PPM1B: variants seen among roughly 807,000 people sequenced by gnomAD.
PPM1B encodes the protein protein phosphatase 1B.
Under a neutral mutation model 43.0 loss-of-function variants are expected in PPM1B, and 22 were observed. That is an observed-to-expected ratio of 0.51 (90% CI 0.37 to 0.73). The LOEUF (loss-of-function observed/expected upper bound fraction) is 0.73, where lower values mean the gene tolerates loss of function less well. PPM1B is among the 30% of genes least tolerant of loss of function. The pLI is 0.00. For synonymous variants in PPM1B, 217 were observed against 197.9 expected, an observed-to-expected ratio of 1.10 and a Z score of -0.81; for missense variants, 632 against 584.2, an observed-to-expected ratio of 1.08 and a Z score of -0.84.
intron 3 of PPM1B, among the ~76,000 whole-genome samples, chr2:44,209,792 A>G (rs1311395131): frequency 7.2e-5 from 11 of 152,110 alleles, no homozygotes; most frequent in Admixed American, 7.2e-4. Context: ...AAAAAAAAAA[A>G]AAATTCCATA....
chr2:44,237,302 G>T (rs1558437111), downstream of PPM1B, among the ~76,000 whole-genome samples: 1 of 152,182 alleles, frequency 6.6e-6, no homozygotes. Context: ...TTACATTATG[G>T]TCTAGAAGTA....
chr2:44,234,189 C>T, downstream of PPM1B: 1 of 982,994 alleles, frequency 1.0e-6, no homozygotes, highest in Non-Finnish European at 1.2e-6. Context: ...AATATTAACC[C>T]CTTCTGTACT....
intron 5 of PPM1B, among the ~76,000 whole-genome samples, chr2:44,227,034 C>T (rs1359474800): frequency 6.6e-6 from 1 of 151,536 alleles, no homozygotes; most frequent in African/African-American, 2.4e-5. Context: ...AGTGTAGAGG[C>T]ATGAACATGG....
At chr2:44,189,857 A>G (rs1449075240) in intron 1 of PPM1B, among the ~76,000 whole-genome samples, 1 of 151,954 alleles carries the variant, frequency 6.6e-6, no homozygotes, top group Non-Finnish European at 1.5e-5. Context: ...TCTTGCCCCC[A>G]TTTCCTGCTC....
chr2:44,191,244 C>T (rs931264037), intron 1 of PPM1B, among the ~76,000 whole-genome samples: 16 of 152,092 alleles, frequency 1.1e-4, no homozygotes, highest in South Asian at 2.1e-4. Context: ...CACGGAGTCT[C>T]GTTCTGTTGC....
chr2:44,225,007 G>A (rs894617723), intron 5 of PPM1B, among the ~76,000 whole-genome samples: 2 of 152,242 alleles, frequency 1.3e-5, no homozygotes, highest in South Asian at 2.1e-4. Flanking sequence ...AGACATTGAT[G>A]TTAATTATAC....
intron 2 of PPM1B, among the ~76,000 whole-genome samples, chr2:44,208,105 G>T (rs1669280800): frequency 6.6e-6 from 1 of 151,128 alleles, no homozygotes; most frequent in South Asian, 2.1e-4. Flanking sequence ...AGTCAGGCTG[G>T]TCTTGAACCC....
At chr2:44,189,250 T>G (rs1668288260) in intron 1 of PPM1B, among the ~76,000 whole-genome samples, 1 of 152,180 alleles carries the variant, frequency 6.6e-6, no homozygotes, top group East Asian at 1.9e-4. Flanking sequence ...AGAATTCATC[T>G]TAAGTTTCTT....
downstream of PPM1B, chr2:44,234,588 CAG>C: frequency 2.0e-6 from 2 of 981,148 alleles, no homozygotes; most frequent in Non-Finnish European, 2.4e-6. Context: ...GTGCTTGAAA[CAG>C]AAATAATGTA....
intron 1 of PPM1B, among the ~76,000 whole-genome samples, chr2:44,182,513 G>A (rs1667930826): frequency 6.6e-6 from 1 of 152,138 alleles, no homozygotes; most frequent in East Asian, 1.9e-4. Flanking sequence ...CACCTGCCTC[G>A]GCCTCCCAAA....
intron 1 of PPM1B, among the ~76,000 whole-genome samples, chr2:44,176,467 C>A (rs1667585088): frequency 6.6e-6 from 1 of 152,178 alleles, no homozygotes; most frequent in South Asian, 2.1e-4. Flanking sequence ...TTGTGCACAA[C>A]TTGGTCTATA....
At chr2:44,175,071 C>T (rs757920111) in intron 1 of PPM1B, among the ~76,000 whole-genome samples, 7 of 152,210 alleles carry the variant, frequency 4.6e-5, no homozygotes, top group East Asian at 3.9e-4. Context: ...CCTGGCAGCA[C>T]GGTGAAACCC....
Position 44,201,982 on chromosome 2 carries a change from G to T in PPM1B, c.783G>T (p.Arg261Ser), listed in dbSNP as rs1668960995. ...NEELCEYVKS[R>S]LEVSDDLENV... Reference sequence around the variant, plus strand: ...AGCTCTGTGAATATGTTAAATCTAGGCTTGAGGTATCTGATGACCTGGAAA... The same window carrying T: ...AGCTCTGTGAATATGTTAAATCTAGTCTTGAGGTATCTGATGACCTGGAAA... The change falls in exon 2 of 6, where the codon AGG becomes AGT. Residue 261 changes from arginine to serine, a missense_variant. Physicochemically the swap from Arg to Ser is moderately radical, Grantham distance 110 (BLOSUM62 -1). This residue lies in a region of PPM1B where 392 missense variants were observed against 302.7 expected (regional missense o/e 1.29). Coordinates refer to ENST00000282412, the MANE Select transcript of PPM1B (RefSeq NM_002706.6). The surrounding 1 kb of genome is among the most constrained non-coding windows in gnomAD (Gnocchi z 5.4). 1 of 1,613,090 alleles carries T rather than the reference G, an allele frequency of 6.2e-7. No individual in the cohort carries two copies. Among genetic ancestry groups the T allele is most frequent in the Non-Finnish European group, 8.5e-7 (1 of 1,179,582 alleles).
chr2:44,237,285 G>T (rs1343517941), downstream of PPM1B, among the ~76,000 whole-genome samples: 2 of 152,132 alleles, frequency 1.3e-5, no homozygotes, highest in African/African-American at 4.8e-5. Flanking sequence ...TTGATGATTC[G>T]TGTATGTTAC....
At chr2:44,196,546 G>A (rs1473208074) in intron 1 of PPM1B, among the ~76,000 whole-genome samples, 1 of 152,144 alleles carries the variant, frequency 6.6e-6, no homozygotes, top group African/African-American at 2.4e-5. Flanking sequence ...TTTTTGAAAA[G>A]AAAATAACTG....
chr2:44,184,521 A>G (rs1399674748), intron 1 of PPM1B, among the ~76,000 whole-genome samples: 1 of 152,182 alleles, frequency 6.6e-6, no homozygotes, highest in Admixed American at 6.5e-5. Context: ...TTTAATTATC[A>G]TATAAATGCC....
At chr2:44,217,653 A>C (rs895690500) in intron 3 of PPM1B, among the ~76,000 whole-genome samples, 6 of 152,202 alleles carry the variant, frequency 3.9e-5, no homozygotes, top group African/African-American at 1.4e-4. Context: ...ATTTCACTCA[A>C]TGGCTACACC....
At chr2:44,188,776 TTCCTTCCC>T (rs1297953697) in intron 1 of PPM1B, among the ~76,000 whole-genome samples, 5 of 143,428 alleles carry the variant, frequency 3.5e-5, no homozygotes, top group South Asian at 4.6e-4. Context: ...CCTTCCTTCC[TTCCTTCCC>T]TCCTTCCCTC....
At chr2:44,200,551 A>T (rs1364035804) in intron 1 of PPM1B, among the ~76,000 whole-genome samples, 2 of 152,188 alleles carry the variant, frequency 1.3e-5, no homozygotes, top group African/African-American at 4.8e-5. Flanking sequence ...AAGTAATGAT[A>T]AGGTTTTCAG....
Sources: gnomAD v4.1 joint callset for allele counts (sites outside exome capture counted in the v4.1 genomes callset) on GRCh38, gnomAD v4.1.1 for gene constraint, gnomAD v4.1.1 regional missense constraint, Gnocchi (gnomAD v3.1) non-coding constraint, MANE v1.5 for transcripts, NCBI Gene and HGNC (gene_info 2026-07-23, HGNC 2026-07-21) for gene names.